GABRA2: variants seen among roughly 807,000 people sequenced by gnomAD.
GABRA2 encodes the protein gamma-aminobutyric acid type A receptor subunit alpha2.
In GABRA2, 16 loss-of-function variants were observed where a neutral mutation model predicts 48.7. The observed-to-expected ratio is 0.33, with a 90% CI of 0.22 to 0.50. The LOEUF (loss-of-function observed/expected upper bound fraction) is 0.50, where lower values mean the gene tolerates loss of function less well. GABRA2 is among the 20% of genes least tolerant of loss of function. The pLI, the probability that GABRA2 is intolerant of heterozygous loss-of-function variation, is 0.98. For missense variants in GABRA2, 275 were observed against 535.6 expected, an observed-to-expected ratio of 0.51 and a Z score of 4.80; for synonymous variants, 185 against 184.5, an observed-to-expected ratio of 1.00 and a Z score of -0.02.
At chr4:46,355,682 C>G (rs1735842208) in intron 3 of GABRA2, among the ~76,000 whole-genome samples, 1 of 152,132 alleles carries the variant, frequency 6.6e-6, no homozygotes, top group Non-Finnish European at 1.5e-5. Context: ...CAGGAACCCC[C>G]AAATAATCAG....
intron 3 of GABRA2, among the ~76,000 whole-genome samples, chr4:46,345,441 G>A (rs184949376): frequency 1.3e-5 from 2 of 151,820 alleles, no homozygotes; most frequent in Non-Finnish European, 2.9e-5. Context: ...CTCTGGTGGT[G>A]AGGGTAGACT....
At chr4:46,283,115 T>G (rs187143848) in intron 8 of GABRA2, among the ~76,000 whole-genome samples, 1 of 152,210 alleles carries the variant, frequency 6.6e-6, no homozygotes, top group African/African-American at 2.4e-5. Flanking sequence ...ATCTGATAGA[T>G]AGTCAACCCG....
At chr4:46,290,481 C>A (rs1399151135) in intron 8 of GABRA2, among the ~76,000 whole-genome samples, 1 of 151,930 alleles carries the variant, frequency 6.6e-6, no homozygotes, top group Admixed American at 6.5e-5. Flanking sequence ...ACAAGTCTTT[C>A]ACCTTTTTGG....
Position 46,382,544 on chromosome 4 carries a change from T to C in GABRA2, c.187+3530A>G, listed in dbSNP as rs190763244. On this transcript the variant is annotated intron_variant, in intron 3 of 9. Transcript: ENST00000381620. ...AAATAAATCCAACTTTTATTCTGAATGACTAGGACACCATTGCAAGGATCT... is the reference window on the plus strand; with the variant it reads ...AAATAAATCCAACTTTTATTCTGAACGACTAGGACACCATTGCAAGGATCT... Among the ~76,000 whole-genome samples the C allele has an allele frequency of 1.1e-3, 163 of 152,312 alleles. 1 individual carries two copies. The highest frequency in any genetic ancestry group is 3.8e-3 in the African/African-American group (156 of 41,570).
chr4:46,385,520 G>A (rs1005474635), intron 3 of GABRA2, among the ~76,000 whole-genome samples: 1 of 151,886 alleles, frequency 6.6e-6, no homozygotes, highest in Non-Finnish European at 1.5e-5. Context: ...TTAGACCTAT[G>A]TCTAACGTAT....
chr4:46,255,719 C>G (rs930639215), intron 9 of GABRA2, among the ~76,000 whole-genome samples: 1 of 151,238 alleles, frequency 6.6e-6, no homozygotes, highest in Non-Finnish European at 1.5e-5. Flanking sequence ...TTATTGAAGT[C>G]TTTGGATGTA....
intron 3 of GABRA2, among the ~76,000 whole-genome samples, chr4:46,380,527 G>A (rs1442646772): frequency 6.6e-6 from 1 of 152,122 alleles, no homozygotes; most frequent in Non-Finnish European, 1.5e-5. Context: ...TTCTTACTCT[G>A]TTTGCCAGCC....
At chr4:46,299,699 C>T (rs1725402507) in intron 8 of GABRA2, among the ~76,000 whole-genome samples, 1 of 149,360 alleles carries the variant, frequency 6.7e-6, no homozygotes, top group African/African-American at 2.5e-5. Flanking sequence ...TTTGTCTACC[C>T]AACCACATTA....
intron 3 of GABRA2, among the ~76,000 whole-genome samples, chr4:46,369,905 T>C (rs1409818676): frequency 1.3e-5 from 2 of 152,074 alleles, no homozygotes; most frequent in Non-Finnish European, 2.9e-5. Flanking sequence ...AGCTAAAACC[T>C]AAAAATAGGA....
chr4:46,388,794 A>G (rs1216961719), intron 1 of GABRA2, 78 bp from the exon 2 acceptor site: 10 of 1,597,976 alleles, frequency 6.3e-6, no homozygotes, highest in African/African-American at 4.0e-5. Context: ...ACCCCAAAGA[A>G]TATCCTTTTA....
chr4:46,346,312 C>A (rs555384878), intron 3 of GABRA2, among the ~76,000 whole-genome samples: 28 of 151,870 alleles, frequency 1.8e-4, no homozygotes, highest in African/African-American at 6.8e-4. Context: ...AGGCAGTCAA[C>A]ATACATTTGA....
chr4:46,258,047 G>T (rs1716193766), intron 9 of GABRA2, among the ~76,000 whole-genome samples: 1 of 151,668 alleles, frequency 6.6e-6, no homozygotes, highest in East Asian at 1.9e-4. Flanking sequence ...GTTATATTCA[G>T]GTAGAAATAT....
chr4:46,338,426 C>T (rs1732639190), intron 3 of GABRA2, among the ~76,000 whole-genome samples: 1 of 151,918 alleles, frequency 6.6e-6, no homozygotes, highest in Non-Finnish European at 1.5e-5. Context: ...TTTTATCCTA[C>T]TCTTACTTGT....
chr4:46,350,132 C>A (rs1734873700), intron 3 of GABRA2, among the ~76,000 whole-genome samples: 1 of 151,860 alleles, frequency 6.6e-6, no homozygotes, highest in South Asian at 2.1e-4. Flanking sequence ...TAAGATGAGA[C>A]AGATCTGCAT....
Position 46,310,419 on chromosome 4 carries a change from G to A in GABRA2, c.477-164C>T, listed in dbSNP as rs573966841. Among the ~76,000 whole-genome samples the A allele has an allele frequency of 2.2e-4, 33 of 152,130 alleles. No individual in the cohort carries two copies. In the South Asian group the frequency reaches 2.3e-3, roughly 11 times the overall value. ...TTCATTCATGTTTAGGTGATCCCTC[G>A]GAAGACATTGGCGTATACAAATTCT... On this transcript the variant is annotated intron_variant, in intron 5 of 9. Transcript: ENST00000381620.
intron 8 of GABRA2, among the ~76,000 whole-genome samples, chr4:46,279,399 C>T (rs1721088639): frequency 6.6e-6 from 1 of 152,126 alleles, no homozygotes; most frequent in South Asian, 2.1e-4. Context: ...TCTAAAATCA[C>T]TTTCCACTTA....
intron 8 of GABRA2, among the ~76,000 whole-genome samples, chr4:46,297,285 G>C (rs755147351): frequency 6.6e-6 from 1 of 151,670 alleles, no homozygotes; most frequent in East Asian, 2.0e-4. Flanking sequence ...GCAAAAAAAC[G>C]TGGAAAGATT....
chr4:46,334,367 T>G (rs1046884579), intron 3 of GABRA2, among the ~76,000 whole-genome samples: 2 of 152,074 alleles, frequency 1.3e-5, no homozygotes, highest in Non-Finnish European at 2.9e-5. Context: ...GACCCGACAT[T>G]TTTTTCCTTT....
intron 8 of GABRA2, among the ~76,000 whole-genome samples, chr4:46,268,880 A>T (rs993736175): frequency 6.6e-6 from 1 of 151,952 alleles, no homozygotes; most frequent in African/African-American, 2.4e-5. Context: ...AAATTCTGTC[A>T]TTTGAGGCAA....
Sources: allele counts gnomAD v4.1 joint callset (sites outside exome capture counted in the v4.1 genomes callset), GRCh38; gene constraint gnomAD v4.1.1; transcripts MANE v1.5; gene names NCBI Gene and HGNC (gene_info 2026-07-23, HGNC 2026-07-21).